SAMD5: variants seen among roughly 807,000 people sequenced by gnomAD.
SAMD5 encodes the protein sterile alpha motif domain-containing protein 5.
A neutral mutation model predicts 11.3 loss-of-function variants in SAMD5; 13 were observed. The ratio of observed to expected loss-of-function variants is 1.15; its 90% CI spans 0.75 to 1.83. SAMD5 has a LOEUF of 1.83. Ranked by LOEUF, SAMD5 falls within the 40% of genes most tolerant of loss-of-function variation. The pLI is 0.00. For missense variants in SAMD5, 255 were observed against 239.1 expected (o/e 1.07, Z -0.44); for synonymous variants, 129 against 111.3 (o/e 1.16, Z -1.00).
At chr6:147,716,581 C>T (rs116949925) in intron 1 of SAMD5, among the ~76,000 whole-genome samples, 2,228 of 152,310 alleles carry the variant, frequency 0.015, 34 homozygotes, top group Non-Finnish European at 0.019. Context: ...ATGTGAAGCT[C>T]CTGCCCTGCC....
chr6:147,548,285 G>A (rs974311510), intron 1 of SAMD5, among the ~76,000 whole-genome samples: 1 of 152,124 alleles, frequency 6.6e-6, no homozygotes, highest in Non-Finnish European at 1.5e-5. Context: ...TGGTTTAATA[G>A]TTTTTGTACA....
At chr6:147,541,795 ACCT>A (rs1354976026) in intron 1 of SAMD5, among the ~76,000 whole-genome samples, 4 of 152,048 alleles carry the variant, frequency 2.6e-5, no homozygotes, top group Non-Finnish European at 5.9e-5. Context: ...CGTCTGAGAA[ACCT>A]CCTCAAAATC....
the SAMD5 span, among the ~76,000 whole-genome samples, chr6:147,920,077 C>T: frequency 6.6e-6 from 1 of 152,164 alleles, no homozygotes; most frequent in Non-Finnish European, 1.5e-5. Context: ...TGAGCATCAA[C>T]TTGATTGGAT....
At chr6:147,873,579 A>G in the SAMD5 span, among the ~76,000 whole-genome samples, 2 of 152,122 alleles carry the variant, frequency 1.3e-5, no homozygotes, top group South Asian at 4.1e-4. Flanking sequence ...ATGATGTAGG[A>G]AGGTTTTCTG....
At chr6:147,524,949 G>A (rs1788313937) in intron 1 of SAMD5, among the ~76,000 whole-genome samples, 1 of 151,988 alleles carries the variant, frequency 6.6e-6, no homozygotes, top group Admixed American at 6.6e-5. Context: ...GAGGCTTAAA[G>A]AGCTTAAGTA....
chr6:147,697,381 G>T (rs955748979), intron 1 of SAMD5, among the ~76,000 whole-genome samples: 5 of 152,120 alleles, frequency 3.3e-5, no homozygotes, highest in Admixed American at 1.3e-4. Flanking sequence ...ATGGACTTTC[G>T]TTTATTTAAT....
intron 1 of SAMD5, among the ~76,000 whole-genome samples, chr6:147,519,143 T>G (rs908553440): frequency 6.6e-6 from 1 of 152,224 alleles, no homozygotes; most frequent in Non-Finnish European, 1.5e-5. Flanking sequence ...ACAGTTGGTA[T>G]GTATTCTTTA....
chr6:147,822,493 A>G, the SAMD5 span, among the ~76,000 whole-genome samples: 1 of 152,226 alleles, frequency 6.6e-6, no homozygotes, highest in Admixed American at 6.5e-5. Flanking sequence ...AATTAAGTAT[A>G]TAGACTTGGT....
At chr6:147,615,445 C>T (rs1010920303) in intron 1 of SAMD5, among the ~76,000 whole-genome samples, 40 of 152,152 alleles carry the variant, frequency 2.6e-4, no homozygotes, top group African/African-American at 9.2e-4. Flanking sequence ...AAAAATAAAT[C>T]ACTGATAATA....
At chr6:147,781,772 GCACACACACACACA>G in the SAMD5 span, among the ~76,000 whole-genome samples, 867 of 146,352 alleles carry the variant, frequency 5.9e-3, 7 homozygotes, top group African/African-American at 0.021. Context: ...ATTTGTGTGC[GCACACACACACACA>G]CACACACACA....
At chr6:147,734,221 G>T (rs1791758880) in intron 1 of SAMD5, among the ~76,000 whole-genome samples, 1 of 152,146 alleles carries the variant, frequency 6.6e-6, no homozygotes, top group South Asian at 2.1e-4. Flanking sequence ...CATTATGAAG[G>T]TTCTGGAAGA....
chr6:147,795,453 T>A, the SAMD5 span, among the ~76,000 whole-genome samples: 1 of 144,516 alleles, frequency 6.9e-6, no homozygotes, highest in Admixed American at 6.9e-5. Flanking sequence ...ATTTTCTTAA[T>A]CCAGTCTATC....
At chr6:147,912,729 A>G in the SAMD5 span, among the ~76,000 whole-genome samples, 1 of 152,162 alleles carries the variant, frequency 6.6e-6, no homozygotes, top group African/African-American at 2.4e-5. Context: ...CTGGATTACT[A>G]TGCAGCTGGA....
At chr6:147,882,573 T>C in the SAMD5 span, among the ~76,000 whole-genome samples, 2 of 152,208 alleles carry the variant, frequency 1.3e-5, no homozygotes, top group African/African-American at 4.8e-5. Flanking sequence ...CTGGGCAACA[T>C]AGCAAGACTC....
At chr6:147,753,590 A>T in the SAMD5 span, among the ~76,000 whole-genome samples, 1 of 152,138 alleles carries the variant, frequency 6.6e-6, no homozygotes, top group Non-Finnish European at 1.5e-5. Context: ...AAGTCATTTT[A>T]AAGTGTACAA....
chr6:147,827,686 A>G, the SAMD5 span, among the ~76,000 whole-genome samples: 1 of 152,214 alleles, frequency 6.6e-6, no homozygotes, highest in Non-Finnish European at 1.5e-5. Flanking sequence ...CTTTCATATT[A>G]TGAGCCCTCT....
chr6:147,510,918 T>G (rs1366165027), intron 1 of SAMD5, among the ~76,000 whole-genome samples: 1 of 152,196 alleles, frequency 6.6e-6, no homozygotes, highest in Non-Finnish European at 1.5e-5. Flanking sequence ...CATGTATGTC[T>G]GGTGTGGATA....
chr6:147,602,203 G>C (rs550625725), intron 1 of SAMD5, among the ~76,000 whole-genome samples: 2 of 152,266 alleles, frequency 1.3e-5, no homozygotes, highest in East Asian at 3.9e-4. Context: ...TCCCATTTGG[G>C]TTGGACAGGC....
chr6:147,685,008 T>C (rs1391749391), intron 1 of SAMD5, among the ~76,000 whole-genome samples: 1 of 152,118 alleles, frequency 6.6e-6, no homozygotes, highest in Admixed American at 6.5e-5. Flanking sequence ...TGTAAAAAAA[T>C]TGAATAATAG....
Sources: gnomAD v4.1 joint callset for allele counts (sites outside exome capture counted in the v4.1 genomes callset) on GRCh38, gnomAD v4.1.1 for gene constraint, MANE v1.5 for transcripts, NCBI Gene and HGNC (gene_info 2026-07-23, HGNC 2026-07-21) for gene names.